Variants in CDK13 observed in about 807,000 individuals in gnomAD.
The protein encoded by CDK13 is cyclin dependent kinase 13, also known as cyclin-dependent kinase 13.
CDK13 carries 40 observed loss-of-function variants against 137.6 expected under a neutral mutation model. The ratio of observed to expected loss-of-function variants is 0.29; its 90% confidence interval spans 0.23 to 0.38. CDK13 has a LOEUF of 0.38. Among genes scored for constraint, CDK13 ranks in the 10% least tolerant of loss-of-function variants. The pLI, the probability that CDK13 is intolerant of heterozygous loss-of-function variation, is 1.00. For synonymous variants in CDK13, 869 were observed against 760.1 expected (o/e 1.14, Z -2.36); for missense variants, 1,704 against 1,951.8 (o/e 0.87, Z 2.39).
At chr7:40,065,695 GA>G (rs1273962255) in intron 9 of CDK13, among the ~76,000 whole-genome samples, 1 of 151,962 alleles carries the variant, frequency 6.6e-6, no homozygotes, top group Non-Finnish European at 1.5e-5. Flanking sequence ...TACTAAATAA[GA>G]AAAGGAAAGC....
At chr7:40,013,940 A>G (rs1784949296) in intron 5 of CDK13, among the ~76,000 whole-genome samples, 2 of 152,270 alleles carry the variant, frequency 1.3e-5, no homozygotes, top group Admixed American at 6.5e-5. Context: ...CAAGGAACCA[A>G]AATATCAAAA....
intron 12 of CDK13, among the ~76,000 whole-genome samples, chr7:40,089,086 T>C (rs1257517558): frequency 1.7e-5 from 2 of 118,342 alleles, no homozygotes; most frequent in African/African-American, 5.8e-5. Context: ...TCTCAAAATA[T>C]GTGTGTGTGT....
At chr7:40,058,589 C>A (rs1786073477) in intron 7 of CDK13, among the ~76,000 whole-genome samples, 1 of 151,106 alleles carries the variant, frequency 6.6e-6, no homozygotes, top group Admixed American at 6.6e-5. Flanking sequence ...CGGGGGGGTG[C>A]AATTAGAGAT....
At chr7:39,996,961 CAAA>C (rs72210233) in intron 2 of CDK13, among the ~76,000 whole-genome samples, 40,040 of 84,196 alleles carry the variant, frequency 0.48, 7,117 homozygotes, top group Middle Eastern at 0.63. Context: ...GATTCCATCT[CAAA>C]AAAAAAAAAA....
At position 40,099,168 on chromosome 7, in the gene CDK13, ATTTCTTAAATG is replaced by A. The variant is rs1257097607; in HGVS notation, c.*4194_*4204del. The A allele has an allele frequency of 6.6e-6, 1 of 152,092 alleles. No homozygotes were observed. The highest frequency in any genetic ancestry group is 1.9e-4 in the East Asian group (1 of 5,206). The allele number at this position is 152,092 out of a possible 1,614,324, so 9.4% of individuals were successfully genotyped here. A position where few individuals can be genotyped will look rare whatever the true frequency, so the allele number is the denominator to read the frequency against. On this transcript the variant is annotated 3_prime_UTR_variant, in exon 14 of 14. Coordinates refer to ENST00000181839, the MANE Select transcript of CDK13 (RefSeq NM_003718.5). Reference sequence around the variant, plus strand: ...CATTTACCAAAGGCTTCTCCAGATAATTTCTTAAATGTTTCTACTTAAAAATAAAAGCTATT... The same window carrying A: ...CATTTACCAAAGGCTTCTCCAGATAATTTCTACTTAAAAATAAAAGCTATT...
At chr7:40,087,730 G>C (rs897055062) in intron 11 of CDK13, among the ~76,000 whole-genome samples, 14 of 151,860 alleles carry the variant, frequency 9.2e-5, no homozygotes, top group Non-Finnish European at 1.9e-4. Flanking sequence ...TGTATTTTTA[G>C]TAGAAACGGG....
At chr7:40,052,454 G>C (rs957897707) in intron 7 of CDK13, among the ~76,000 whole-genome samples, 3 of 152,176 alleles carry the variant, frequency 2.0e-5, no homozygotes, top group Non-Finnish European at 4.4e-5. Flanking sequence ...TAGGATTACA[G>C]GTGTGAGCCA....
intron 5 of CDK13, among the ~76,000 whole-genome samples, chr7:40,021,328 C>A (rs1364521956): frequency 6.6e-6 from 1 of 151,814 alleles, no homozygotes; most frequent in African/African-American, 2.4e-5. Context: ...GAAACCCCAT[C>A]TCTACTAAAA....
chr7:39,974,307 C>G (rs975968995), intron 1 of CDK13, among the ~76,000 whole-genome samples: 2 of 152,040 alleles, frequency 1.3e-5, no homozygotes, highest in Non-Finnish European at 2.9e-5. Context: ...CTCAAGCGCT[C>G]CTCCTGCCTT....
chr7:39,950,893 C>T lies in CDK13; in HGVS notation c.252C>T (p.Gly84=), dbSNP rs1034818374. Residue 84 remains glycine (G), a synonymous_variant, in exon 1 of 14, where the codon GGC becomes GGT. Coordinates refer to ENST00000181839, the MANE Select transcript of CDK13 (RefSeq NM_003718.5). Reference sequence around the variant, plus strand: ...CCTCCTCCTCTTGCTTCAGCCCGGGCCCCCCTCTGGAGGTCAAGCGGCTGG... The same window carrying T: ...CCTCCTCCTCTTGCTTCAGCCCGGGTCCCCCTCTGGAGGTCAAGCGGCTGG... ...AAASSSCFSP[G]PPLEVKRLAR... The T allele has an allele frequency of 6.1e-5, 83 of 1,349,928 alleles. No individual in the cohort carries two copies. The highest frequency in any genetic ancestry group is 1.3e-4 in the South Asian group (7 of 52,274). 83.6% of individuals were successfully genotyped at this position (1,349,928 alleles called of 1,614,324 possible).
At chr7:40,069,393 A>G in intron 9 of CDK13, 1 of 441,026 alleles carries the variant, frequency 2.3e-6, no homozygotes, top group Non-Finnish European at 4.6e-6. Flanking sequence ...GGCCTTTAGA[A>G]TCTTACAGGG....
At chr7:40,010,933 G>T (rs183661586) in intron 5 of CDK13, among the ~76,000 whole-genome samples, 1 of 152,002 alleles carries the variant, frequency 6.6e-6, no homozygotes, top group African/African-American at 2.4e-5. Flanking sequence ...AAAACATCTA[G>T]AAATAAATTG....
intron 1 of CDK13, among the ~76,000 whole-genome samples, chr7:39,955,123 G>A (rs1460661752): frequency 7.2e-5 from 11 of 152,020 alleles, no homozygotes; most frequent in Non-Finnish European, 1.6e-4. Context: ...GGTGTGGAAG[G>A]TCACGTAATC....
rs201781696 is a variant in CDK13, at chr7:40,078,745, T to C, written c.2923T>C (p.Phe975Leu). ...VFIPAAALDL[F>L]DYMLALDPSK... The stretch of plus-strand genomic sequence containing the variant: ...TATTCCTGCAGCTGCGCTAGACTTA[T>C]TTGATTACATGCTTGCCTTGGATCC... Residue 975 changes from phenylalanine to leucine, a missense_variant, in exon 11 of 14, where the codon TTT (phenylalanine) becomes CTT (leucine). This residue lies in a region of CDK13 where 45 missense variants were observed against 57.0 expected (regional missense o/e 0.79). Transcript: ENST00000181839. The C allele has an allele frequency of 3.2e-6, 5 of 1,545,582 alleles. No homozygotes were observed. Among genetic ancestry groups the C allele is most frequent in the African/African-American group, 1.4e-5 (1 of 72,912 alleles).
At chr7:40,055,572 A>AT (rs1202058166) in intron 7 of CDK13, among the ~76,000 whole-genome samples, 12,438 of 128,620 alleles carry the variant, frequency 0.097, 927 homozygotes, top group East Asian at 0.33. Context: ...AGGATTCTGG[A>AT]TTTTTTTTTT....
In CDK13 at chr7:40,030,422, A is replaced by ATT. The variant is rs34922492; in HGVS notation, c.2354-15388_2354-15387dup. Among the ~76,000 whole-genome samples, 39 of 65,986 alleles carry ATT rather than the reference A, an allele frequency of 5.9e-4. 2 individuals carry two copies. The highest frequency in any genetic ancestry group is 1.0e-3 in the Non-Finnish European group (30 of 30,116). The allele number at this position is 65,986 out of a possible 152,430, so 43.3% of individuals were successfully genotyped here. A position where few individuals can be genotyped will look rare whatever the true frequency, so the allele number is the denominator to read the frequency against. ...ACCCCTGCAACTCTGGCAACCACTGATTTTTTTTTTTTTTTTTTTTTTTTT... is the reference window on the plus strand; with the variant it reads ...ACCCCTGCAACTCTGGCAACCACTGATTTTTTTTTTTTTTTTTTTTTTTTTTT... On this transcript the variant is annotated intron_variant, in intron 5 of 13. Coordinates refer to ENST00000181839, the MANE Select transcript of CDK13 (RefSeq NM_003718.5).
intron 2 of CDK13, among the ~76,000 whole-genome samples, chr7:39,990,952 AT>A (rs1187489454): frequency 6.6e-6 from 1 of 152,270 alleles, no homozygotes; most frequent in Non-Finnish European, 1.5e-5. Context: ...TATGATTTAC[AT>A]TGTATAATAT....
At chr7:39,988,527 G>A (rs564887471) in intron 2 of CDK13, among the ~76,000 whole-genome samples, 1 of 152,176 alleles carries the variant, frequency 6.6e-6, no homozygotes, top group East Asian at 1.9e-4. Context: ...TATTAGAAAT[G>A]CCAGTATTCT....
chr7:40,087,500 A>G (rs1000607442), intron 11 of CDK13, among the ~76,000 whole-genome samples: 3 of 149,520 alleles, frequency 2.0e-5, no homozygotes, highest in Non-Finnish European at 3.0e-5. Flanking sequence ...ATGATGTACT[A>G]TCATAAGAAC....
Sources: gnomAD v4.1 joint callset for allele counts (sites outside exome capture counted in the v4.1 genomes callset) on GRCh38, gnomAD v4.1.1 for gene constraint, gnomAD v4.1.1 regional missense constraint, MANE v1.5 for transcripts, NCBI Gene and HGNC (gene_info 2026-07-23, HGNC 2026-07-21) for gene names.